PRAG1: variants seen among roughly 807,000 people sequenced by gnomAD.
PRAG1 encodes PEAK1 related, kinase-activating pseudokinase 1.
Under a neutral mutation model 95.6 loss-of-function variants are expected in PRAG1, and 110 were observed. That is an observed-to-expected ratio of 1.15 (90% CI 0.99 to 1.35). The LOEUF (loss-of-function observed/expected upper bound fraction) is 1.35. PRAG1 is among the 40% of genes most tolerant of loss of function. PRAG1 has a pLI of 0.00. For missense variants in PRAG1, 2,554 were observed against 1,864.7 expected (o/e 1.37, Z -6.81); for synonymous variants, 1,052 against 819.4 (o/e 1.28, Z -4.85).
chr8:8,323,822 G>T (rs1798544646), intron 5 of PRAG1, among the ~76,000 whole-genome samples: 3 of 152,114 alleles, frequency 2.0e-5, no homozygotes. Flanking sequence ...TAAACATCAG[G>T]TGACTCAAAT....
chr8:8,384,167 A>G (rs915356058), intron 1 of PRAG1, among the ~76,000 whole-genome samples: 1 of 152,160 alleles, frequency 6.6e-6, no homozygotes, highest in African/African-American at 2.4e-5. Flanking sequence ...TCTATCACAG[A>G]TTCACAAAGC....
chr8:8,364,281 C>T (rs116242915), intron 3 of PRAG1, among the ~76,000 whole-genome samples: 1,964 of 152,278 alleles, frequency 0.013, 37 homozygotes, highest in African/African-American at 0.045. Flanking sequence ...AGTTAAGTAG[C>T]TCTTCAAATT....
chr8:8,375,480 G>T (rs1050366088), intron 3 of PRAG1, among the ~76,000 whole-genome samples: 2 of 151,902 alleles, frequency 1.3e-5, no homozygotes, highest in East Asian at 1.9e-4. Context: ...GATTACAGGC[G>T]TGAGCCACCA....
rs1798373550 is a variant in PRAG1 at position 8,318,844 on chromosome 8, G to A, written c.3531C>T (p.Ala1177=). Residue 1177 remains alanine, a synonymous_variant, in exon 6 of 6, where the codon GCC becomes GCT. Transcript: ENST00000615670. The surrounding 1 kb of genome is among the most constrained non-coding windows in gnomAD (Gnocchi z 4.2). ...GGGCGGCAGAGGAGCAGGGAGGCGC[G>A]GCGGCGGCGGGGGCGGGAGCCGGGG... is the stretch of plus-strand genomic sequence containing the variant. The part of the protein sequence containing the change: ...APAPAPAPAA[A]APPCSSAAPP... 3.2e-6 allele frequency: 4 copies of A among 1,233,630 alleles called. No homozygotes were observed. Among genetic ancestry groups the A allele is most frequent in the African/African-American group, 1.7e-5 (1 of 60,034 alleles). 76.4% of individuals were successfully genotyped at this position (1,233,630 alleles called of 1,614,324 possible).
chr8:8,364,810 G>A (rs1376419328), intron 3 of PRAG1, among the ~76,000 whole-genome samples: 2 of 151,866 alleles, frequency 1.3e-5, no homozygotes, highest in Non-Finnish European at 2.9e-5. Flanking sequence ...ATGTCAAGAT[G>A]GAATCTCAGA....
Position 8,377,359 on chromosome 8 carries a change from G to C in PRAG1, c.1050C>G (p.Gly350=), listed in dbSNP as rs782659229. ...GLSCGSGSGS[G]SGASSPFVPH... ...GGACGAAGGGGCTACTGGCGCCGCT[G>C]CCGCTGCCGCTGCCGCTGCCACAAG... Residue 350 remains glycine, a synonymous_variant, in exon 3 of 6, where the codon GGC becomes GGG. Coordinates refer to ENST00000615670, the MANE Select transcript of PRAG1 (RefSeq NM_001080826.3). 8.1e-6 allele frequency: 12 copies of C among 1,478,896 alleles called. No individual in the cohort carries two copies. Among genetic ancestry groups the C allele is most frequent in the Non-Finnish European group, 1.0e-5 (11 of 1,104,822 alleles). 91.6% of individuals were successfully genotyped at this position (1,478,896 alleles called of 1,614,324 possible).
chr8:8,345,816 C>T (rs993856920), intron 3 of PRAG1, among the ~76,000 whole-genome samples: 3 of 151,990 alleles, frequency 2.0e-5, no homozygotes, highest in African/African-American at 4.8e-5. Flanking sequence ...AAAATAAAAC[C>T]TTAGGACTGA....
chr8:8,325,242 T>A (rs1314361851), intron 5 of PRAG1, among the ~76,000 whole-genome samples: 8 of 152,184 alleles, frequency 5.3e-5, no homozygotes, highest in Admixed American at 1.3e-4. Context: ...GCCCCCCCAA[T>A]GACCAGGCCA....
rs774831163 is a variant in PRAG1 at position 8,318,116 on chromosome 8, C to A, written c.*38G>T. The A allele has an allele frequency of 1.3e-6, 2 of 1,569,910 alleles. No homozygotes were observed. The highest frequency in any genetic ancestry group is 8.6e-7 in the Non-Finnish European group (1 of 1,157,984). On this transcript the variant is annotated 3_prime_UTR_variant, in exon 6 of 6. Transcript: ENST00000615670. This position sits in a 1 kb window ranked among gnomAD's most constrained non-coding sequence, Gnocchi z 4.2. ...CAAGGCGAGACAGGAAAGGGTTAGG[C>A]AGGGAAGGGGCAGCGACGGTGCAGG... is the stretch of plus-strand genomic sequence containing the variant.
chr8:8,342,902 T>C (rs1799219203), intron 3 of PRAG1, among the ~76,000 whole-genome samples: 1 of 152,022 alleles, frequency 6.6e-6, no homozygotes, highest in Non-Finnish European at 1.5e-5. Context: ...AAGATAAATC[T>C]GACTACTTTA....
At chr8:8,370,002 C>T (rs1179355843) in intron 3 of PRAG1, among the ~76,000 whole-genome samples, 6 of 152,142 alleles carry the variant, frequency 3.9e-5, no homozygotes, top group African/African-American at 1.4e-4. Flanking sequence ...CTTTTTAGCG[C>T]CTTGCACAGA....
chr8:8,354,380 CA>C (rs34910024), intron 3 of PRAG1, among the ~76,000 whole-genome samples: 9,291 of 138,728 alleles, frequency 0.067, 503 homozygotes, highest in African/African-American at 0.16. Context: ...TAAATTCTTC[CA>C]AAAAAAAAAA....
At chr8:8,339,159 G>A (rs1187303575) in intron 4 of PRAG1, among the ~76,000 whole-genome samples, 1 of 152,176 alleles carries the variant, frequency 6.6e-6, no homozygotes, top group Non-Finnish European at 1.5e-5. Context: ...GACCCATCCT[G>A]AGGACAGAAG....
chr8:8,338,650 C>T (rs888729910), intron 4 of PRAG1, among the ~76,000 whole-genome samples: 2 of 152,202 alleles, frequency 1.3e-5, no homozygotes, highest in Non-Finnish European at 2.9e-5. Context: ...ATAACACACT[C>T]TTTTGTCTCA....
chr8:8,375,932 G>C (rs989847647), intron 3 of PRAG1, among the ~76,000 whole-genome samples: 2 of 152,122 alleles, frequency 1.3e-5, no homozygotes, highest in African/African-American at 4.8e-5. Flanking sequence ...ACACTTCAGA[G>C]AACTGGGGAA....
At chr8:8,339,051 G>T (rs775673342) in intron 4 of PRAG1, among the ~76,000 whole-genome samples, 20 of 152,108 alleles carry the variant, frequency 1.3e-4, no homozygotes, top group Non-Finnish European at 2.2e-4. Context: ...AACATCTGCT[G>T]TGTCCAGTAA....
chr8:8,374,657 C>G (rs1800319820), intron 3 of PRAG1: 1 of 985,272 alleles, frequency 1.0e-6, no homozygotes, highest in South Asian at 4.7e-5. Context: ...ATCTTAGCTG[C>G]TGAATCTCTC....
chr8:8,356,545 A>T (rs532593534), intron 3 of PRAG1, among the ~76,000 whole-genome samples: 2 of 152,160 alleles, frequency 1.3e-5, no homozygotes, highest in African/African-American at 4.8e-5. Flanking sequence ...ATGAGGTTTC[A>T]TTATGTTTCC....
At chr8:8,365,930 A>G (rs184076756) in intron 3 of PRAG1, among the ~76,000 whole-genome samples, 11 of 152,164 alleles carry the variant, frequency 7.2e-5, no homozygotes, top group Non-Finnish European at 1.5e-4. Flanking sequence ...CAGTGAGCTG[A>G]GATCGTGCTT....
Sources: allele counts gnomAD v4.1 joint callset (sites outside exome capture counted in the v4.1 genomes callset), GRCh38; gene constraint gnomAD v4.1.1; non-coding constraint Gnocchi (gnomAD v3.1); transcripts MANE v1.5; gene names NCBI Gene and HGNC (gene_info 2026-07-23, HGNC 2026-07-21).